RADIL: variants seen among roughly 807,000 people sequenced by gnomAD.
RADIL encodes the protein ras-associating and dilute domain-containing protein.
Under a neutral mutation model 97.6 loss-of-function variants are expected in RADIL, and 99 were observed. The observed-to-expected ratio is 1.01, with a 90% CI of 0.86 to 1.20. The LOEUF (loss-of-function observed/expected upper bound fraction) is 1.20, where lower values mean the gene tolerates loss of function less well. Among genes scored for constraint, RADIL ranks in the 50% most tolerant of loss-of-function variants. RADIL has a pLI of 0.00. For missense variants in RADIL, 1,765 were observed against 1,498.9 expected, an observed-to-expected ratio of 1.18 and a Z score of -2.93; for synonymous variants, 803 against 691.8, an observed-to-expected ratio of 1.16 and a Z score of -2.52.
chr7:4,822,653 G>T lies in RADIL; in HGVS notation c.1455-99C>A. 7.3e-7 allele frequency: 1 copy of T among 1,361,094 alleles called. No individual in the cohort carries two copies. The highest frequency in any genetic ancestry group is 1.0e-6 in the Non-Finnish European group (1 of 998,064). The allele number at this position is 1,361,094 out of a possible 1,614,324, so 84.3% of individuals were successfully genotyped here. ...ATAAGGATGCGCGTTTTCATGGGAC[G>T]CTGACAACAACTGCAACCATCAACC... On this transcript the variant is annotated intron_variant, in intron 5 of 14. Transcript: ENST00000399583. This position sits in a 1 kb window ranked among gnomAD's most constrained non-coding sequence, Gnocchi z 5.3.
rs992074732 is a variant in RADIL, at chr7:4,822,514, G to C, written c.1495C>G (p.Leu499Val). Residue 499 changes from leucine to valine, a missense_variant, in exon 6 of 15, where the codon CTG becomes GTG. Leu to Val is a conservative substitution (Grantham distance 32). Coordinates refer to ENST00000399583, the MANE Select transcript of RADIL (RefSeq NM_018059.5). The surrounding 1 kb of genome is among the most constrained non-coding windows in gnomAD (Gnocchi z 5.3). Reference protein sequence around the residue: ...ISLASCAMADLVPDLQPILFW... With the variant: ...ISLASCAMADVVPDLQPILFW... ...AGAATGGGCTGCAAGTCTGGAACCAGATCAGCCATGGCGCAGCTGGCCAGC... is the reference window on the plus strand; with the variant it reads ...AGAATGGGCTGCAAGTCTGGAACCACATCAGCCATGGCGCAGCTGGCCAGC... 6 of 1,613,076 alleles carry C rather than the reference G, an allele frequency of 3.7e-6. No homozygotes were observed. The African/African-American group carries it at 5.3e-5, about 14-fold the overall frequency.
intron 10 of RADIL, among the ~76,000 whole-genome samples, chr7:4,804,776 ACT>A (rs1355925606): frequency 1.4e-5 from 2 of 142,936 alleles, no homozygotes; most frequent in African/African-American, 2.7e-5. Flanking sequence ...ACAGAGTGAG[ACT>A]CTGTCTCAGT....
chr7:4,802,904 C>T (rs1412373633), intron 11 of RADIL, among the ~76,000 whole-genome samples: 835 of 89,150 alleles, frequency 9.4e-3, no homozygotes, highest in African/African-American at 0.036. Flanking sequence ...CCTCCCCGGG[C>T]ACCTCGGGGA....
rs1784272804 is a variant in RADIL at position 4,872,222 on chromosome 7, G to C, written c.535+5383C>G. On this transcript the variant is annotated intron_variant, in intron 2 of 14. Coordinates refer to ENST00000399583, the MANE Select transcript of RADIL (RefSeq NM_018059.5). This position sits in a 1 kb window ranked among gnomAD's most constrained non-coding sequence, Gnocchi z 5.8. ...AATAGAGGGCAGGTCTGCCTCCAGG[G>C]AACATCTGGCCATGTCTGCAGACAT... 6.6e-6 allele frequency among the ~76,000 whole-genome samples: 1 copy of C among 152,198 alleles called. No homozygotes were observed.
chr7:4,866,418 C>G (rs983184276), intron 2 of RADIL, among the ~76,000 whole-genome samples: 2 of 151,686 alleles, frequency 1.3e-5, no homozygotes, highest in African/African-American at 4.9e-5. Context: ...ATACCTAACA[C>G]AGAGTAGCCA....
chr7:4,807,616 TCCC>T (rs573021857), intron 9 of RADIL, among the ~76,000 whole-genome samples: 10 of 54,362 alleles, frequency 1.8e-4, no homozygotes, highest in South Asian at 2.6e-3. Flanking sequence ...TCCTTCTCTC[TCCC>T]CCCGTCTCCC....
At position 4,822,772 on chromosome 7, in the gene RADIL, G is replaced by A. The variant is rs190057978; in HGVS notation, c.1455-218C>T. On this transcript the variant is annotated intron_variant, in intron 5 of 14. Transcript: ENST00000399583. This position sits in a 1 kb window ranked among gnomAD's most constrained non-coding sequence, Gnocchi z 5.3. ...GCCAGAGGACCCTACAAACCTAGCA[G>A]GAAGACAGCTGGGCGCCACAGCCAT... is the stretch of plus-strand genomic sequence containing the variant. Among the ~76,000 whole-genome samples, 441 of 152,302 alleles carry A rather than the reference G, an allele frequency of 2.9e-3. 2 individuals carry two copies. Among genetic ancestry groups the A allele is most frequent in the Non-Finnish European group, 4.8e-3 (328 of 68,038 alleles).
rs1241513410 is a variant in RADIL, at chr7:4,867,790, T to A, written c.535+9815A>T. 2.0e-5 allele frequency among the ~76,000 whole-genome samples: 3 copies of A among 152,202 alleles called. No homozygotes were observed. Among genetic ancestry groups the A allele is most frequent in the Admixed American group, 2.0e-4 (3 of 15,288 alleles). ...ATATATGAAAGGTAAGTTGGAATGG[T>A]ATTCATTAATACACTAGAGTGGGTT... On this transcript the variant is annotated intron_variant, in intron 2 of 14. Transcript: ENST00000399583. The surrounding 1 kb of genome is among the most constrained non-coding windows in gnomAD (Gnocchi z 4.1).
intron 5 of RADIL, among the ~76,000 whole-genome samples, chr7:4,827,750 A>T (rs946477573): frequency 1.3e-5 from 2 of 152,212 alleles, no homozygotes; most frequent in African/African-American, 4.8e-5. Context: ...TCCCTCCCCG[A>T]GGACTCTGGC....
At position 4,818,357 on chromosome 7, in the gene RADIL, G is replaced by A. The variant is rs1056388411; in HGVS notation, c.1616-1006C>T. Among the ~76,000 whole-genome samples the A allele has an allele frequency of 6.6e-6, 1 of 152,206 alleles. No homozygotes were observed. The highest frequency in any genetic ancestry group is 2.4e-5 in the African/African-American group (1 of 41,450). ...CCACTCATGGCCAGGACAATGGTGC[G>A]CCAAGCCCTTGGACAAGCCCCTGTC... On this transcript the variant is annotated intron_variant, in intron 6 of 14. Transcript: ENST00000399583. This position sits in a 1 kb window ranked among gnomAD's most constrained non-coding sequence, Gnocchi z 7.1.
At position 4,873,695 on chromosome 7, in the gene RADIL, A is replaced by G. The variant is rs969136965; in HGVS notation, c.535+3910T>C. ...AGCGACACGGTGACACATGCCCCACACTGAGGGCCACTCTCAGGACAAACA... is the reference window on the plus strand; with the variant it reads ...AGCGACACGGTGACACATGCCCCACGCTGAGGGCCACTCTCAGGACAAACA... On this transcript the variant is annotated intron_variant, in intron 2 of 14. Coordinates refer to ENST00000399583, the MANE Select transcript of RADIL (RefSeq NM_018059.5). The surrounding 1 kb of genome is among the most constrained non-coding windows in gnomAD (Gnocchi z 4.3). 6.6e-6 allele frequency among the ~76,000 whole-genome samples: 1 copy of G among 152,106 alleles called. No homozygotes were observed. Among genetic ancestry groups the G allele is most frequent in the Non-Finnish European group, 1.5e-5 (1 of 68,022 alleles).
chr7:4,832,741 C>CA (rs71032992), intron 4 of RADIL, among the ~76,000 whole-genome samples: 6,287 of 65,968 alleles, frequency 0.095, 441 homozygotes, highest in African/African-American at 0.21. Flanking sequence ...TCCGTCTCAG[C>CA]AAAAAAAAAA....
chr7:4,802,603 C>T (rs1782138256), intron 11 of RADIL, among the ~76,000 whole-genome samples: 1 of 136,004 alleles, frequency 7.4e-6, no homozygotes, highest in Non-Finnish European at 1.6e-5. Flanking sequence ...GCCCCCTCCC[C>T]GGGTACCTCG....
chr7:4,815,198 G>A lies in RADIL; in HGVS notation c.2139+80C>T. The A allele has an allele frequency of 7.0e-7, 1 of 1,429,038 alleles. No homozygotes were observed. The highest frequency in any genetic ancestry group is 9.2e-7 in the Non-Finnish European group (1 of 1,083,882). 88.5% of individuals were successfully genotyped at this position (1,429,038 alleles called of 1,614,324 possible). ...CCAAGAAGCCCCGTCCCGGCCCCCA[G>A]GCTTGGTTTGTGAGCCAGGGACCCA... On this transcript the variant is annotated intron_variant, in intron 9 of 14. Coordinates refer to ENST00000399583, the MANE Select transcript of RADIL (RefSeq NM_018059.5). This position sits in a 1 kb window ranked among gnomAD's most constrained non-coding sequence, Gnocchi z 8.0.
At chr7:4,862,519 T>G (rs1784040163) in intron 2 of RADIL, among the ~76,000 whole-genome samples, 1 of 152,250 alleles carries the variant, frequency 6.6e-6, no homozygotes, top group Non-Finnish European at 1.5e-5. Flanking sequence ...ACTGCTCGTC[T>G]GTCTTTTCTT....
At chr7:4,827,553 C>T (rs565560593) in intron 5 of RADIL, among the ~76,000 whole-genome samples, 7 of 151,894 alleles carry the variant, frequency 4.6e-5, no homozygotes, top group East Asian at 1.9e-4. Flanking sequence ...CCCAGCTACT[C>T]GGGAGGCTGA....
At chr7:4,830,549 G>A (rs983314111) in intron 5 of RADIL, among the ~76,000 whole-genome samples, 2 of 152,162 alleles carry the variant, frequency 1.3e-5, no homozygotes, top group Admixed American at 1.3e-4. Context: ...CAAGGGAGGA[G>A]AAGGCTCAAA....
At position 4,808,034 on chromosome 7, in the gene RADIL, C is replaced by CTG. The variant is rs1169398775; in HGVS notation, c.2140-2319_2140-2318insCA. Among the ~76,000 whole-genome samples, 481 of 114,160 alleles carry CTG rather than the reference C, an allele frequency of 4.2e-3. 7 individuals are homozygous for CTG. The highest frequency in any genetic ancestry group is 6.6e-3 in the Non-Finnish European group (355 of 53,928). 74.9% of individuals were successfully genotyped at this position (114,160 alleles called of 152,430 possible). ...CCCTCTCCTCTCCCTCCATCTTTCT[C>CTG]CGCTCCTTCCTCCCTCTCCTTCTCT... On this transcript the variant is annotated intron_variant, in intron 9 of 14. Coordinates refer to ENST00000399583, the MANE Select transcript of RADIL (RefSeq NM_018059.5).
At chr7:4,853,835 A>G (rs1783766216) in intron 2 of RADIL, among the ~76,000 whole-genome samples, 1 of 152,170 alleles carries the variant, frequency 6.6e-6, no homozygotes. Context: ...GTGAAAGAGA[A>G]GACTATCATT....
Sources: allele counts gnomAD v4.1 joint callset (sites outside exome capture counted in the v4.1 genomes callset), GRCh38; gene constraint gnomAD v4.1.1; non-coding constraint Gnocchi (gnomAD v3.1); transcripts MANE v1.5; gene names NCBI Gene and HGNC (gene_info 2026-07-23, HGNC 2026-07-21).